EFCAB10: variants seen among roughly 807,000 people sequenced by gnomAD.
EFCAB10 encodes EF-hand calcium binding domain 10.
EFCAB10 carries 7 observed loss-of-function variants against 7.7 expected under a neutral mutation model. The ratio of observed to expected loss-of-function variants is 0.91; its 90% CI spans 0.52 to 1.72. The LOEUF (loss-of-function observed/expected upper bound fraction) is 1.72, where lower values mean the gene tolerates loss of function less well. Among genes scored for constraint, EFCAB10 ranks in the 40% most tolerant of loss-of-function variants. The pLI is 0.00. For missense variants in EFCAB10, 112 were observed against 61.5 expected, an observed-to-expected ratio of 1.82 and a Z score of -2.74; for synonymous variants, 52 against 21.0, an observed-to-expected ratio of 2.47 and a Z score of -4.03.
chr7:105,573,191 C>A (rs1791992878), intron 1 of EFCAB10: 1 of 151,990 alleles, frequency 6.6e-6, no homozygotes, highest in African/African-American at 2.4e-5. Flanking sequence ...TGTGTTGAAA[C>A]CAGAAGTAGA....
At chr7:105,579,116 C>T (rs1000704301) in intron 1 of EFCAB10, among the ~76,000 whole-genome samples, 5 of 152,114 alleles carry the variant, frequency 3.3e-5, no homozygotes, top group Admixed American at 6.6e-5. Flanking sequence ...TTTTTATATA[C>T]GTGTGTTCCC....
Position 105,569,271 on chromosome 7 carries a change from T to C in EFCAB10, c.291A>G (p.Leu97=), listed in dbSNP as rs908280725. Residue 97 remains leucine (L), a synonymous_variant, in exon 3 of 5, where the codon CTA becomes CTG. Transcript: ENST00000480514. ...CTTGTAAATCTTCATCTTCAGTGCA[T>C]AGACCCAGGGTTTTTAGGGCTGTAA... ...QYKEALKTLG[L]CTEDEDLQDD... The C allele has an allele frequency of 1.1e-5, 8 of 702,546 alleles. No homozygotes were observed. Among genetic ancestry groups the C allele is most frequent in the Admixed American group, 4.0e-5 (2 of 49,986 alleles). 43.5% of individuals were successfully genotyped at this position (702,546 alleles called of 1,614,324 possible).
At chr7:105,567,662 A>T (rs1791827115) in intron 3 of EFCAB10, 172 bp from the exon 4 acceptor site, 7 of 519,588 alleles carry the variant, frequency 1.3e-5, no homozygotes, top group East Asian at 3.0e-5. Flanking sequence ...TAGCCAATAA[A>T]TTTTTTTAAA....
chr7:105,574,903 C>T (rs1438722102), intron 1 of EFCAB10, among the ~76,000 whole-genome samples: 1 of 147,760 alleles, frequency 6.8e-6, no homozygotes, highest in Admixed American at 6.8e-5. Context: ...CAAGACCAGC[C>T]TGGCCAACAT....
chr7:105,578,667 G>T (rs1006499195), intron 1 of EFCAB10, among the ~76,000 whole-genome samples: 1 of 152,188 alleles, frequency 6.6e-6, no homozygotes, highest in African/African-American at 2.4e-5. Context: ...AGTATCTGAT[G>T]ACATATGACA....
chr7:105,580,902 C>T (rs1196456516), intron 1 of EFCAB10, among the ~76,000 whole-genome samples: 1 of 152,116 alleles, frequency 6.6e-6, no homozygotes, highest in Non-Finnish European at 1.5e-5. Context: ...TTCTATCCTA[C>T]CCTATCAATT....
In EFCAB10 at chr7:105,574,676, G is replaced by C. The variant is rs117711632; in HGVS notation, c.107-5105C>G. On this transcript the variant is annotated intron_variant, in intron 1 of 4. Transcript: ENST00000480514. Reference sequence around the variant, plus strand: ...ATTTTTTGTATATTTTTAATAGAGGGGTTTCACCGTGTTAGCCAGGATGGT... The same window carrying C: ...ATTTTTTGTATATTTTTAATAGAGGCGTTTCACCGTGTTAGCCAGGATGGT... Among the ~76,000 whole-genome samples the C allele has an allele frequency of 2.1e-3, 319 of 151,848 alleles. 4 individuals are homozygous for C. In the East Asian group the frequency reaches 0.026, roughly 12 times the overall value.
In EFCAB10 at chr7:105,572,753, TC is replaced by T. The variant is rs1160355688; in HGVS notation, c.107-3183del. The T allele has an allele frequency of 5.3e-5, 8 of 152,280 alleles. 1 individual carries two copies. Among genetic ancestry groups the T allele is most frequent in the Non-Finnish European group, 1.2e-4 (8 of 68,080 alleles). The allele number at this position is 152,280 out of a possible 1,614,324, so 9.4% of individuals were successfully genotyped here. On this transcript the variant is annotated intron_variant, in intron 1 of 4. Transcript: ENST00000480514. ...TATGTTGCTCAGGCTGGTCTTGAAC[TC>T]CTGGACCCAAGTGATCCTCCTGCCT...
chr7:105,574,256 T>C (rs1212987672), intron 1 of EFCAB10, among the ~76,000 whole-genome samples: 2 of 150,588 alleles, frequency 1.3e-5, no homozygotes, highest in African/African-American at 4.9e-5. Flanking sequence ...TATATATATA[T>C]ATATATACAT....
chr7:105,572,876 T>G (rs967778064), intron 1 of EFCAB10: 4 of 152,172 alleles, frequency 2.6e-5, no homozygotes, highest in African/African-American at 9.7e-5. Context: ...TGAGGTGATA[T>G]CTCATTGTGG....
At chr7:105,574,124 GTATA>G (rs4006347) in intron 1 of EFCAB10, among the ~76,000 whole-genome samples, 95,703 of 148,004 alleles carry the variant, frequency 0.65, 32,741 homozygotes, top group East Asian at 0.81. Flanking sequence ...CAATGTGTGT[GTATA>G]TATATATATA....
intron 1 of EFCAB10, among the ~76,000 whole-genome samples, chr7:105,576,705 A>G (rs1792089737): frequency 6.6e-6 from 1 of 152,052 alleles, no homozygotes; most frequent in South Asian, 2.1e-4. Context: ...TGGCCTCCCA[A>G]AGTGCTGGGA....
intron 4 of EFCAB10, chr7:105,566,916 C>T: frequency 2.7e-6 from 1 of 364,810 alleles, no homozygotes; most frequent in Non-Finnish European, 4.8e-6. Context: ...GATCGTATTA[C>T]CTTATAGTAA....
At position 105,569,542 on chromosome 7, in the gene EFCAB10, A is replaced by G. The variant is rs1426817639; in HGVS notation, c.136T>C (p.Leu46=). 1.4e-6 allele frequency: 1 copy of G among 698,458 alleles called. No homozygotes were observed. Among genetic ancestry groups the G allele is most frequent in the South Asian group, 1.5e-5 (1 of 66,204 alleles). 43.3% of individuals were successfully genotyped at this position (698,458 alleles called of 1,614,324 possible). The change falls in exon 2 of 5, where the codon TTG becomes CTG. Residue 46 remains leucine (L), a synonymous_variant. Coordinates refer to ENST00000480514, the MANE Select transcript of EFCAB10 (RefSeq NM_001355526.2). ...ACTTTTGCAATTCTCAGTCGTTCCAATAGAGATATTAAATATTCTTTTGGT... is the reference window on the plus strand; with the variant it reads ...ACTTTTGCAATTCTCAGTCGTTCCAGTAGAGATATTAAATATTCTTTTGGT... ...EKPKEYLISL[L]ERLRIAKVTG...
intron 1 of EFCAB10, among the ~76,000 whole-genome samples, chr7:105,579,935 A>G (rs972161877): frequency 1.3e-5 from 2 of 152,214 alleles, no homozygotes; most frequent in Admixed American, 1.3e-4. Flanking sequence ...AATATTTTAT[A>G]TAACGAATGT....
At chr7:105,569,381 T>G in intron 2 of EFCAB10, 26 bp downstream of exon 2, 1 of 695,992 alleles carries the variant, frequency 1.4e-6, no homozygotes, top group Non-Finnish European at 2.6e-6. Context: ...CACAAACTAT[T>G]ACCTCAATTT....
intron 3 of EFCAB10, 58 bp downstream of exon 3, chr7:105,569,145 T>G: frequency 1.4e-6 from 1 of 696,300 alleles, no homozygotes; most frequent in Middle Eastern, 3.7e-4. Context: ...AAGGTATTAA[T>G]TGTGCTTCAA....
At chr7:105,574,132 A>G (rs1179482148) in intron 1 of EFCAB10, among the ~76,000 whole-genome samples, 311 of 90,362 alleles carry the variant, frequency 3.4e-3, no homozygotes, top group Non-Finnish European at 3.3e-3. Context: ...GTGTATATAT[A>G]TATATATATA....
chr7:105,568,500 G>A (rs1791850997), intron 3 of EFCAB10, among the ~76,000 whole-genome samples: 1 of 152,154 alleles, frequency 6.6e-6, no homozygotes, highest in African/African-American at 2.4e-5. Context: ...TGATAATTTT[G>A]AGGAAATATT....
Sources: gnomAD v4.1 joint callset for allele counts (sites outside exome capture counted in the v4.1 genomes callset) on GRCh38, gnomAD v4.1.1 for gene constraint, MANE v1.5 for transcripts, NCBI Gene and HGNC (gene_info 2026-07-23, HGNC 2026-07-21) for gene names.